The following UBE2E2 variants were observed in gnomAD, a reference collection of about 807,000 sequenced individuals.
The protein encoded by UBE2E2 is ubiquitin-conjugating enzyme E2 E2.
UBE2E2 carries 6 observed loss-of-function variants against 24.7 expected under a neutral mutation model. The observed-to-expected ratio is 0.24, with a 90% CI of 0.13 to 0.48. The LOEUF (loss-of-function observed/expected upper bound fraction) is 0.48. Among genes scored for constraint, UBE2E2 ranks in the 20% least tolerant of loss-of-function variants. The probability of loss-of-function intolerance (pLI) is 0.99; values close to 1 mark genes in which losing one functional copy is unlikely to be tolerated. For synonymous variants in UBE2E2, 104 were observed against 83.6 expected, an observed-to-expected ratio of 1.24 and a Z score of -1.33; for missense variants, 169 against 245.0, an observed-to-expected ratio of 0.69 and a Z score of 2.07.
At position 23,218,906 on chromosome 3, in the gene UBE2E2, C is replaced by T. The variant is rs565823952; in HGVS notation, c.227+1594C>T. Among the ~76,000 whole-genome samples, 5 of 151,998 alleles carry T rather than the reference C, an allele frequency of 3.3e-5. No individual in the cohort carries two copies. The East Asian group carries it at 1.0e-3, about 31-fold the overall frequency. On this transcript the variant is annotated intron_variant, in intron 3 of 5. Transcript: ENST00000396703. ...GTGTCATCTGAAATTTGGAGGTTTA[C>T]TTTGTCTTTGAGCCTTAGTGACATC...
intron 3 of UBE2E2, among the ~76,000 whole-genome samples, chr3:23,493,480 C>T (rs1411161956): frequency 6.6e-6 from 1 of 152,096 alleles, no homozygotes; most frequent in Non-Finnish European, 1.5e-5. Flanking sequence ...AAAGATTTAC[C>T]TCATTGTGTT....
chr3:23,215,503 C>T (rs1696452121), intron 2 of UBE2E2, among the ~76,000 whole-genome samples: 1 of 152,058 alleles, frequency 6.6e-6, no homozygotes, highest in Admixed American at 6.6e-5. Flanking sequence ...TTTTAGTTTG[C>T]TTCATATTTC....
intron 4 of UBE2E2, among the ~76,000 whole-genome samples, chr3:23,530,099 A>T (rs375888203): frequency 2.0e-5 from 3 of 152,182 alleles, no homozygotes; most frequent in African/African-American, 7.2e-5. Context: ...GGGATCTTTT[A>T]TATGTAGATT....
At chr3:23,352,019 T>C (rs938781771) in intron 3 of UBE2E2, among the ~76,000 whole-genome samples, 5 of 151,926 alleles carry the variant, frequency 3.3e-5, no homozygotes, top group African/African-American at 1.2e-4. Context: ...AGAACAGAAA[T>C]TATAACAAAC....
At chr3:23,375,748 T>C (rs944286247) in intron 3 of UBE2E2, among the ~76,000 whole-genome samples, 10 of 152,200 alleles carry the variant, frequency 6.6e-5, no homozygotes, top group African/African-American at 2.4e-4. Context: ...AGGACACCTT[T>C]GCTCTTGAAT....
chr3:23,444,019 G>A (rs1698366523), intron 3 of UBE2E2, among the ~76,000 whole-genome samples: 1 of 150,308 alleles, frequency 6.7e-6, no homozygotes, highest in African/African-American at 2.5e-5. Flanking sequence ...GGCAGTAATT[G>A]ATACACATCT....
rs538077480 is a variant in UBE2E2 at position 23,591,581 on chromosome 3, T to G, written c.*1750T>G. The stretch of plus-strand genomic sequence containing the variant: ...GCACTACTCAACCCTCTAGTTGTAG[T>G]AGAGGGAGCCACAGACAGTACATAA... On this transcript the variant is annotated 3_prime_UTR_variant, in exon 6 of 6. Transcript: ENST00000396703. 1.3e-5 allele frequency: 2 copies of G among 152,306 alleles called. No homozygotes were observed. The highest frequency in any genetic ancestry group is 4.1e-4 in the South Asian group (2 of 4,822). The allele number at this position is 152,306 out of a possible 1,614,324, so 9.4% of individuals were successfully genotyped here. A position where few individuals can be genotyped will look rare whatever the true frequency, so the allele number is the denominator to read the frequency against.
intron 3 of UBE2E2, among the ~76,000 whole-genome samples, chr3:23,299,102 G>T (rs1177328383): frequency 6.6e-6 from 1 of 152,116 alleles, no homozygotes; most frequent in Non-Finnish European, 1.5e-5. Context: ...TTCTCTGATG[G>T]TAGTTTGTAT....
rs1314375725 is a variant in UBE2E2 at position 23,582,877 on chromosome 3, G to GTGTT, written c.509-6854_509-6853insTTGT. On this transcript the variant is annotated intron_variant, in intron 5 of 5. Coordinates refer to ENST00000396703, the MANE Select transcript of UBE2E2 (RefSeq NM_152653.4). Reference sequence around the variant, plus strand: ...TTCTGTTGAGTGTGTGTGTGTGTGTGTGTGTGTGTGTGTGTGTTGTGTGTT... The same window carrying GTGTT: ...TTCTGTTGAGTGTGTGTGTGTGTGTGTGTTTGTGTGTGTGTGTGTGTTGTGTGTT... Among the ~76,000 whole-genome samples, 9 of 144,066 alleles carry GTGTT rather than the reference G, an allele frequency of 6.2e-5. No individual in the cohort carries two copies. In the Middle Eastern group the frequency reaches 0.01, roughly 167 times the overall value. 94.5% of individuals were successfully genotyped at this position (144,066 alleles called of 152,430 possible). A position where few individuals can be genotyped will look rare whatever the true frequency, so the allele number is the denominator to read the frequency against.
Position 23,589,297 on chromosome 3 carries a change from G to A in UBE2E2, c.509-437G>A, listed in dbSNP as rs1440904380. ...TAGCCAGGTGTTGTTGCACACACCTGTGGTCCCAGCTACTCAGGAGGCTGA... is the reference window on the plus strand; with the variant it reads ...TAGCCAGGTGTTGTTGCACACACCTATGGTCCCAGCTACTCAGGAGGCTGA... On this transcript the variant is annotated intron_variant, in intron 5 of 5. Transcript: ENST00000396703. This position sits in a 1 kb window ranked among gnomAD's most constrained non-coding sequence, Gnocchi z 4.1. Among the ~76,000 whole-genome samples, 2 of 151,946 alleles carry A rather than the reference G, an allele frequency of 1.3e-5. No homozygotes were observed. The highest frequency in any genetic ancestry group is 4.8e-5 in the African/African-American group (2 of 41,362).
chr3:23,299,025 A>G lies in UBE2E2; in HGVS notation c.227+81713A>G, dbSNP rs950876310. ...TCCTGGTTTAGTCTTGGGAGGATGT[A>G]TATGTCAGGGAATTAATCCATTTCT... On this transcript the variant is annotated intron_variant, in intron 3 of 5. Transcript: ENST00000396703. 2.0e-5 allele frequency among the ~76,000 whole-genome samples: 3 copies of G among 152,192 alleles called. No individual in the cohort carries two copies. In the South Asian group the frequency reaches 6.2e-4, roughly 31 times the overall value.
intron 3 of UBE2E2, among the ~76,000 whole-genome samples, chr3:23,487,908 G>A (rs1188073769): frequency 6.6e-6 from 1 of 151,860 alleles, no homozygotes; most frequent in Non-Finnish European, 1.5e-5. Flanking sequence ...CCTCTGCTTT[G>A]ATAACGTTGG....
chr3:23,440,806 G>A (rs1698287580), intron 3 of UBE2E2, among the ~76,000 whole-genome samples: 1 of 151,488 alleles, frequency 6.6e-6, no homozygotes, highest in Non-Finnish European at 1.5e-5. Context: ...GAAAAAAAGT[G>A]TCCTGAAGTC....
chr3:23,518,004 C>A (rs1372838724), intron 4 of UBE2E2, among the ~76,000 whole-genome samples: 1 of 152,026 alleles, frequency 6.6e-6, no homozygotes, highest in South Asian at 2.1e-4. Flanking sequence ...CTGAGTCATT[C>A]TTATTCCCCC....
intron 3 of UBE2E2, among the ~76,000 whole-genome samples, chr3:23,479,562 C>T (rs928934327): frequency 2.0e-5 from 3 of 152,278 alleles, no homozygotes; most frequent in African/African-American, 4.8e-5. Flanking sequence ...TGTTTCAGCA[C>T]TGTTTGTATT....
At chr3:23,223,121 G>A (rs1696707056) in intron 3 of UBE2E2, among the ~76,000 whole-genome samples, 1 of 143,396 alleles carries the variant, frequency 7.0e-6, no homozygotes, top group Non-Finnish European at 1.5e-5. Flanking sequence ...CTGGGTTCAA[G>A]TGATTCTCCT....
chr3:23,376,929 G>A (rs899091814), intron 3 of UBE2E2, among the ~76,000 whole-genome samples: 8 of 152,156 alleles, frequency 5.3e-5, no homozygotes, highest in African/African-American at 1.7e-4. Context: ...TCTAGGGGAT[G>A]AGGGAGAAAA....
intron 3 of UBE2E2, among the ~76,000 whole-genome samples, chr3:23,335,393 A>G (rs1244862517): frequency 1.3e-5 from 2 of 152,200 alleles, no homozygotes; most frequent in Non-Finnish European, 2.9e-5. Flanking sequence ...AATCACAGAC[A>G]TATAAGGCAT....
intron 5 of UBE2E2, among the ~76,000 whole-genome samples, chr3:23,568,477 G>C (rs1450579366): frequency 6.6e-6 from 1 of 151,206 alleles, no homozygotes; most frequent in Non-Finnish European, 1.5e-5. Context: ...GAGACAATCA[G>C]GATAATCTTG....
Sources: gnomAD v4.1 joint callset for allele counts (sites outside exome capture counted in the v4.1 genomes callset) on GRCh38, gnomAD v4.1.1 for gene constraint, Gnocchi (gnomAD v3.1) non-coding constraint, MANE v1.5 for transcripts, NCBI Gene and HGNC (gene_info 2026-07-23, HGNC 2026-07-21) for gene names.